Variants in TTC28 observed in about 807,000 individuals in gnomAD.
TTC28 encodes the protein tetratricopeptide repeat protein 28.
Under a neutral mutation model 198.0 loss-of-function variants are expected in TTC28, and 61 were observed. The ratio of observed to expected loss-of-function variants is 0.31; its 90% CI spans 0.25 to 0.38. The LOEUF is 0.38. Ranked by LOEUF, TTC28 falls within the 10% of genes least tolerant of loss-of-function variation. The pLI is 1.00. For synonymous variants in TTC28, 1,171 were observed against 1,297.8 expected (o/e 0.90, Z 2.10); for missense variants, 2,678 against 3,164.0 (o/e 0.85, Z 3.69).
chr22:28,627,635 T>A (rs974314300), intron 2 of TTC28, among the ~76,000 whole-genome samples: 1 of 152,038 alleles, frequency 6.6e-6, no homozygotes, highest in African/African-American at 2.4e-5. Context: ...TTTCACCACG[T>A]TGGCCAGGCT....
chr22:28,571,775 C>G (rs1447325728), intron 2 of TTC28, among the ~76,000 whole-genome samples: 1 of 151,650 alleles, frequency 6.6e-6, no homozygotes, highest in Non-Finnish European at 1.5e-5. Flanking sequence ...ATGGTGAAAC[C>G]CCATCTCCAC....
chr22:28,662,911 A>G (rs2051770819), intron 1 of TTC28, among the ~76,000 whole-genome samples: 1 of 152,160 alleles, frequency 6.6e-6, no homozygotes, highest in Non-Finnish European at 1.5e-5. Context: ...ACAGAACAGA[A>G]GCAACTGTGC....
chr22:28,096,059 T>C, intron 11 of TTC28, 131 bp downstream of exon 11: 2 of 1,328,756 alleles, frequency 1.5e-6, no homozygotes, highest in Non-Finnish European at 1.9e-6. Context: ...CCACTGCGGC[T>C]GAGGTTTTGC....
intron 2 of TTC28, among the ~76,000 whole-genome samples, chr22:28,533,342 AG>A (rs2049185636): frequency 1.3e-5 from 2 of 152,364 alleles, no homozygotes; most frequent in African/African-American, 4.8e-5. Context: ...CTAGGAATCC[AG>A]CTTACAAGGG....
intron 12 of TTC28, among the ~76,000 whole-genome samples, chr22:28,087,277 A>G (rs1177572523): frequency 1.3e-5 from 2 of 152,194 alleles, no homozygotes; most frequent in Admixed American, 1.3e-4. Context: ...ATAATGGCAA[A>G]CCAAAACCAG....
intron 13 of TTC28, among the ~76,000 whole-genome samples, chr22:28,027,814 G>C (rs558968653): frequency 1.3e-5 from 2 of 152,264 alleles, no homozygotes; most frequent in Non-Finnish European, 2.9e-5. Context: ...GCAGGGACAG[G>C]CTGGCAGGGA....
intron 5 of TTC28, among the ~76,000 whole-genome samples, chr22:28,243,152 AC>A (rs1929784856): frequency 7.6e-6 from 1 of 132,028 alleles, no homozygotes; most frequent in East Asian, 2.4e-4. Context: ...AGCCTGGGCA[AC>A]CTGGCAAAAC....
intron 2 of TTC28, among the ~76,000 whole-genome samples, chr22:28,587,966 C>T (rs902106417): frequency 2.6e-5 from 4 of 151,252 alleles, no homozygotes; most frequent in African/African-American, 7.3e-5. Flanking sequence ...ATGGTGAAAC[C>T]CCGTCTCTAA....
chr22:28,524,459 C>CA (rs34261097), intron 2 of TTC28, among the ~76,000 whole-genome samples: 5,655 of 58,988 alleles, frequency 0.096, 180 homozygotes, highest in East Asian at 0.17. Context: ...GAAGCCAGCT[C>CA]AAAAAAAAAA....
intron 1 of TTC28, among the ~76,000 whole-genome samples, chr22:28,677,146 A>G (rs1418742421): frequency 7.3e-5 from 9 of 122,586 alleles, no homozygotes; most frequent in African/African-American, 2.8e-4. Context: ...ACAGAGCAAG[A>G]CTCCATCTCA....
chr22:28,284,666 C>T (rs1287292545), intron 5 of TTC28, among the ~76,000 whole-genome samples: 2 of 151,708 alleles, frequency 1.3e-5, no homozygotes, highest in South Asian at 2.1e-4. Context: ...ATAAAAATAA[C>T]CCAATTTAAA....
intron 2 of TTC28, among the ~76,000 whole-genome samples, chr22:28,440,178 T>C (rs899015015): frequency 1.1e-4 from 17 of 152,160 alleles, no homozygotes; most frequent in African/African-American, 4.1e-4. Flanking sequence ...AATTTGGACA[T>C]ATAAGTATAT....
chr22:28,071,552 A>G (rs1299531577), intron 12 of TTC28, among the ~76,000 whole-genome samples: 1 of 146,020 alleles, frequency 6.8e-6, no homozygotes, highest in Non-Finnish European at 1.5e-5. Flanking sequence ...TGGACACATG[A>G]AGGGGAATAT....
intron 14 of TTC28, among the ~76,000 whole-genome samples, chr22:28,011,186 A>T (rs1938145184): frequency 6.6e-6 from 1 of 152,232 alleles, no homozygotes; most frequent in Admixed American, 6.5e-5. Flanking sequence ...TAGATTATTT[A>T]TAATCTAGAT....
At chr22:28,064,751 C>A (rs1940687220) in intron 12 of TTC28, among the ~76,000 whole-genome samples, 1 of 152,066 alleles carries the variant, frequency 6.6e-6, no homozygotes, top group Non-Finnish European at 1.5e-5. Context: ...CTATTGCTGC[C>A]CTCAAGAAGC....
rs935954555 is a variant in TTC28 at position 27,983,621 on chromosome 22, CTCCACCCTCTGA to C, written c.6034_6045del (p.Ser2012_Gly2015del). 4.5e-6 allele frequency: 7 copies of C among 1,543,646 alleles called. 1 individual carries two copies. The highest frequency in any genetic ancestry group is 1.7e-4 in the Middle Eastern group (1 of 5,950). On this transcript the variant is annotated inframe_deletion, in exon 23 of 23. Coordinates refer to ENST00000397906, the MANE Select transcript of TTC28 (RefSeq NM_001145418.2). ...TCATGGTCCTGCCGTCCTCCGGGGC[CTCCACCCTCTGA>C]TCCACCCTCGGGTTTGGAGACAAAG... is the stretch of plus-strand genomic sequence containing the variant.
chr22:28,337,786 C>G (rs989456915), intron 2 of TTC28, among the ~76,000 whole-genome samples: 4 of 152,144 alleles, frequency 2.6e-5, no homozygotes, highest in African/African-American at 9.7e-5. Context: ...GGTCTTGACT[C>G]TTTATCCAAT....
intron 16 of TTC28, 77 bp from the exon 17 acceptor site, chr22:27,996,336 T>TA: frequency 6.6e-7 from 1 of 1,512,768 alleles, no homozygotes; most frequent in Non-Finnish European, 8.8e-7. Flanking sequence ...AGGGCTCACT[T>TA]ACGCCTCGAG....
chr22:28,594,240 C>T (rs184402758), intron 2 of TTC28, among the ~76,000 whole-genome samples: 6 of 148,776 alleles, frequency 4.0e-5, no homozygotes, highest in Admixed American at 1.3e-4. Flanking sequence ...AATAAATAAT[C>T]GTTTATTAAT....
Sources: gnomAD v4.1 joint callset for allele counts (sites outside exome capture counted in the v4.1 genomes callset) on GRCh38, gnomAD v4.1.1 for gene constraint, MANE v1.5 for transcripts, NCBI Gene and HGNC (gene_info 2026-07-23, HGNC 2026-07-21) for gene names.